The following IL1RAPL1 variants were observed in gnomAD, a reference collection of about 807,000 sequenced individuals.
IL1RAPL1 encodes the protein interleukin 1 receptor accessory protein like 1, also known as interleukin-1 receptor accessory protein-like 1.
Under a neutral mutation model 48.4 loss-of-function variants are expected in IL1RAPL1, and 3 were observed. The ratio of observed to expected loss-of-function variants is 0.06; its 90% CI spans 0.03 to 0.16. The LOEUF is 0.16. IL1RAPL1 is among the 10% of genes least tolerant of loss of function. The pLI, the probability that IL1RAPL1 is intolerant of heterozygous loss-of-function variation, is 1.00. For synonymous variants in IL1RAPL1, 185 were observed against 187.7 expected, an observed-to-expected ratio of 0.99 and a Z score of 0.12; for missense variants, 349 against 530.6, an observed-to-expected ratio of 0.66 and a Z score of 3.36.
intron 1 of IL1RAPL1, among the ~76,000 whole-genome samples, chrX:28,691,066 C>T (rs1935172878): frequency 9.0e-6 from 1 of 111,329 alleles, no homozygotes; most frequent in African/African-American, 3.3e-5. Flanking sequence ...AAGGTCGTGA[C>T]CTTCAGTGGC....
At chrX:29,011,766 G>A (rs542825215) in intron 2 of IL1RAPL1, among the ~76,000 whole-genome samples, 4 of 112,263 alleles carry the variant, frequency 3.6e-5, no homozygotes, top group East Asian at 2.8e-4. Context: ...AATATGTGTG[G>A]CATTTACATT....
At chrX:28,665,251 A>G (rs1934863143) in intron 1 of IL1RAPL1, among the ~76,000 whole-genome samples, 2 of 111,226 alleles carry the variant, frequency 1.8e-5, no homozygotes, top group Admixed American at 1.9e-4. Flanking sequence ...TCGTTTGATT[A>G]TGATACAATC....
At chrX:28,785,976 A>G (rs745687087) in intron 1 of IL1RAPL1, among the ~76,000 whole-genome samples, 1 of 111,481 alleles carries the variant, frequency 9.0e-6, no homozygotes, top group Non-Finnish European at 1.9e-5. Context: ...TCTTTCATTC[A>G]TTTATTTTTT....
intron 1 of IL1RAPL1, among the ~76,000 whole-genome samples, chrX:28,751,248 A>G (rs1482756014): frequency 9.0e-6 from 1 of 111,724 alleles, no homozygotes; most frequent in Non-Finnish European, 1.9e-5. Context: ...ACTTCTGAAT[A>G]CTTTTCTTTT....
In IL1RAPL1 at chrX:28,992,007, G is replaced by C. The variant is rs1173935501; in HGVS notation, c.82+202582G>C. 3.6e-5 allele frequency among the ~76,000 whole-genome samples: 4 copies of C among 111,461 alleles called. No homozygotes were observed. The East Asian group carries it at 1.1e-3, about 31-fold the overall frequency. On this transcript the variant is annotated intron_variant, in intron 2 of 10. Coordinates refer to ENST00000378993, the MANE Select transcript of IL1RAPL1 (RefSeq NM_014271.4). The stretch of plus-strand genomic sequence containing the variant: ...CAGTCAAATCTAGGTTGAATTATTG[G>C]CTTCAGTTTTTACTGACTGAATCCA...
intron 2 of IL1RAPL1, among the ~76,000 whole-genome samples, chrX:28,866,689 G>A (rs111914296): frequency 0.019 from 2,088 of 111,257 alleles, 56 homozygotes; most frequent in African/African-American, 0.065. Flanking sequence ...AAATAACCCT[G>A]TAAGCTGTAT....
intron 3 of IL1RAPL1, among the ~76,000 whole-genome samples, chrX:29,313,813 TGAA>T (rs1265794267): frequency 1.8e-5 from 2 of 112,326 alleles, no homozygotes; most frequent in Non-Finnish European, 3.8e-5. Context: ...CTTCAAAGGA[TGAA>T]GTTTATCCAT....
chrX:28,988,658 G>A (rs1330169932), intron 2 of IL1RAPL1, among the ~76,000 whole-genome samples: 2 of 112,112 alleles, frequency 1.8e-5, no homozygotes, highest in Non-Finnish European at 3.8e-5. Context: ...CTGATGAGCT[G>A]TATTTTTAGT....
intron 1 of IL1RAPL1, among the ~76,000 whole-genome samples, chrX:28,786,808 AG>A (rs1433983694): frequency 6.2e-5 from 7 of 112,221 alleles, no homozygotes; most frequent in African/African-American, 1.9e-4. Flanking sequence ...GTTCACCAAT[AG>A]TATAAGCAAT....
At chrX:28,661,437 G>T (rs1157614541) in intron 1 of IL1RAPL1, among the ~76,000 whole-genome samples, 2 of 111,383 alleles carry the variant, frequency 1.8e-5, no homozygotes, top group Admixed American at 9.6e-5. Context: ...AAATATTTTT[G>T]CATAGTGGGA....
intron 2 of IL1RAPL1, among the ~76,000 whole-genome samples, chrX:29,074,592 C>T (rs898980112): frequency 8.9e-6 from 1 of 112,012 alleles, no homozygotes; most frequent in African/African-American, 3.2e-5. Context: ...CTTTAGACTT[C>T]TTTTCCATGT....
chrX:28,621,214 A>G (rs1326646625), intron 1 of IL1RAPL1, among the ~76,000 whole-genome samples: 1 of 112,311 alleles, frequency 8.9e-6, no homozygotes, highest in Non-Finnish European at 1.9e-5. Context: ...CTCGGACACT[A>G]TCTTTCTCCT....
intron 5 of IL1RAPL1, among the ~76,000 whole-genome samples, chrX:29,488,601 G>GTAACTATGAGAGGTGGTGCATATA (rs1337880335): frequency 9.7e-6 from 1 of 102,596 alleles, no homozygotes; most frequent in African/African-American, 4.4e-5. Flanking sequence ...TGGTGCATAT[G>GTAACTATGAGAGGTGGTGCATATA]TAACTATGAG....
At chrX:29,152,010 T>G (rs1392649571) in intron 2 of IL1RAPL1, among the ~76,000 whole-genome samples, 6 of 111,768 alleles carry the variant, frequency 5.4e-5, no homozygotes, top group African/African-American at 1.9e-4. Context: ...CCAAGATTGG[T>G]TAATTTATAA....
At chrX:29,770,811 T>C (rs1229338689) in intron 6 of IL1RAPL1, among the ~76,000 whole-genome samples, 1 of 112,569 alleles carries the variant, frequency 8.9e-6, no homozygotes, top group Non-Finnish European at 1.9e-5. Flanking sequence ...AAAATATCTC[T>C]AACATACAAC....
intron 5 of IL1RAPL1, among the ~76,000 whole-genome samples, chrX:29,588,324 G>T (rs986273403): frequency 1.8e-5 from 2 of 112,129 alleles, no homozygotes; most frequent in African/African-American, 6.5e-5. Flanking sequence ...GGCTTTCCTT[G>T]AATAAGTCAC....
intron 3 of IL1RAPL1, among the ~76,000 whole-genome samples, chrX:29,340,633 A>T (rs1947561523): frequency 8.9e-6 from 1 of 112,043 alleles, no homozygotes; most frequent in Non-Finnish European, 1.9e-5. Flanking sequence ...GATGTCTAGG[A>T]ATCCCGATAA....
intron 5 of IL1RAPL1, among the ~76,000 whole-genome samples, chrX:29,638,184 C>T (rs1925035200): frequency 1.8e-5 from 2 of 110,513 alleles, no homozygotes; most frequent in Non-Finnish European, 3.8e-5. Context: ...TGAACGGTGA[C>T]ATTTTTCTTG....
intron 2 of IL1RAPL1, among the ~76,000 whole-genome samples, chrX:29,097,008 C>T (rs757979504): frequency 1.2e-4 from 13 of 111,202 alleles, no homozygotes; most frequent in Non-Finnish European, 2.3e-4. Flanking sequence ...GTGATTTCCA[C>T]GTCAAGAGGT....
Sources: allele counts gnomAD v4.1 joint callset (sites outside exome capture counted in the v4.1 genomes callset), GRCh38; gene constraint gnomAD v4.1.1; transcripts MANE v1.5; gene names NCBI Gene and HGNC (gene_info 2026-07-23, HGNC 2026-07-21).